Variants in AIG1 observed in about 807,000 individuals in gnomAD.
AIG1 encodes androgen induced 1, also known as androgen-induced gene 1 protein.
In AIG1, 23 loss-of-function variants were observed where a neutral mutation model predicts 31.4. The observed-to-expected ratio is 0.73, with a 90% CI of 0.53 to 1.04. The LOEUF is 1.04. Ranked by LOEUF, AIG1 falls within the 50% of genes least tolerant of loss-of-function variation. The pLI is 0.00. For synonymous variants in AIG1, 100 were observed against 110.5 expected (o/e 0.90, Z 0.60); for missense variants, 274 against 295.0 (o/e 0.93, Z 0.52).
At chr6:143,323,743 A>G (rs62430878) in intron 4 of AIG1, among the ~76,000 whole-genome samples, 6,611 of 152,078 alleles carry the variant, frequency 0.043, 183 homozygotes, top group Middle Eastern at 0.075. Flanking sequence ...CAGCCACGCA[A>G]TCCCCACTGC....
At chr6:143,112,994 C>G (rs1781419403) in intron 1 of AIG1, among the ~76,000 whole-genome samples, 3 of 152,060 alleles carry the variant, frequency 2.0e-5, no homozygotes, top group African/African-American at 7.2e-5. Flanking sequence ...AAATCCTAAG[C>G]CTGACTGAGA....
downstream of AIG1, among the ~76,000 whole-genome samples, chr6:143,341,601 G>A (rs1398835759): frequency 6.6e-6 from 1 of 152,156 alleles, no homozygotes; most frequent in Non-Finnish European, 1.5e-5. Flanking sequence ...TGAGGGCATG[G>A]GAAGAAGGTT....
intron 2 of AIG1, among the ~76,000 whole-genome samples, chr6:143,155,612 C>CT (rs1180448174): frequency 6.6e-6 from 1 of 152,004 alleles, no homozygotes; most frequent in Non-Finnish European, 1.5e-5. Context: ...TGACAAGAAA[C>CT]TGGGGGGAGA....
At chr6:143,206,134 G>A (rs1562488674) in intron 3 of AIG1, among the ~76,000 whole-genome samples, 1 of 152,192 alleles carries the variant, frequency 6.6e-6, no homozygotes, top group Non-Finnish European at 1.5e-5. Flanking sequence ...GGTCAGCGAA[G>A]GCTGACACAA....
In AIG1 at chr6:143,084,148, G is replaced by T. The variant is rs188436041; in HGVS notation, c.141+23082G>T. Among the ~76,000 whole-genome samples, 14 of 152,226 alleles carry T rather than the reference G, an allele frequency of 9.2e-5. No homozygotes were observed. In the East Asian group the frequency reaches 2.7e-3, roughly 29 times the overall value. On this transcript the variant is annotated intron_variant, in intron 1 of 5. Transcript: ENST00000357847. ...ACAGTTAACCTTCTGGCCCTCAATGGTCAAGCATACCCGAGGCTCTGTGAC... is the reference window on the plus strand; with the variant it reads ...ACAGTTAACCTTCTGGCCCTCAATGTTCAAGCATACCCGAGGCTCTGTGAC...
At position 143,151,239 on chromosome 6, in the gene AIG1, G is replaced by A. The variant is rs547531199; in HGVS notation, c.298-13843G>A. 9.2e-5 allele frequency among the ~76,000 whole-genome samples: 14 copies of A among 152,224 alleles called. No individual in the cohort carries two copies. In the East Asian group the frequency reaches 2.5e-3, roughly 27 times the overall value. ...AGCCCCACAGAAAGGTATTAGAAAA[G>A]CCCTCATACAACTACTCATGTTTGG... On this transcript the variant is annotated intron_variant, in intron 2 of 5. Coordinates refer to ENST00000357847, the MANE Select transcript of AIG1 (RefSeq NM_016108.4).
At chr6:143,286,676 C>T (rs1354206869) in intron 4 of AIG1, among the ~76,000 whole-genome samples, 1 of 152,014 alleles carries the variant, frequency 6.6e-6, no homozygotes, top group Non-Finnish European at 1.5e-5. Context: ...TTCCAGAGCC[C>T]CATGCCAAGA....
chr6:143,192,195 GAGAAGC>G (rs1337462593), intron 3 of AIG1, among the ~76,000 whole-genome samples: 2 of 152,254 alleles, frequency 1.3e-5, no homozygotes, highest in Non-Finnish European at 1.5e-5. Flanking sequence ...GCATCTGTCA[GAGAAGC>G]AGCAGCCATT....
chr6:143,102,519 T>C (rs6906306), intron 1 of AIG1, among the ~76,000 whole-genome samples: 17,975 of 147,078 alleles, frequency 0.12, 3,350 homozygotes, highest in African/African-American at 0.4. Context: ...TAATATATAA[T>C]ATAATATGTA....
chr6:143,077,313 T>G (rs538647208), intron 1 of AIG1, among the ~76,000 whole-genome samples: 1 of 152,372 alleles, frequency 6.6e-6, no homozygotes, highest in South Asian at 2.1e-4. Flanking sequence ...TTAGTTCTTA[T>G]GTTGATATTT....
At chr6:143,090,583 A>G (rs1289332607) in intron 1 of AIG1, among the ~76,000 whole-genome samples, 3 of 152,240 alleles carry the variant, frequency 2.0e-5, no homozygotes, top group Admixed American at 1.3e-4. Flanking sequence ...TTGGTTTCAC[A>G]GTACATATAA....
chr6:143,336,450 T>C (rs1451434574), intron 5 of AIG1, among the ~76,000 whole-genome samples: 8 of 152,268 alleles, frequency 5.3e-5, no homozygotes, highest in African/African-American at 1.9e-4. Context: ...TGATGTTCAG[T>C]CCAGTCTCCA....
At chr6:143,108,594 TA>T (rs1483612584) in intron 1 of AIG1, among the ~76,000 whole-genome samples, 7 of 152,334 alleles carry the variant, frequency 4.6e-5, no homozygotes, top group African/African-American at 1.7e-4. Context: ...ATTACACTTT[TA>T]ACTGTATGTG....
chr6:143,093,858 G>C (rs1779521703), intron 1 of AIG1, among the ~76,000 whole-genome samples: 1 of 152,170 alleles, frequency 6.6e-6, no homozygotes, highest in Admixed American at 6.5e-5. Context: ...CACACAACAT[G>C]TATGGATTGC....
chr6:143,106,352 C>A (rs983303468), intron 1 of AIG1, among the ~76,000 whole-genome samples: 1 of 152,154 alleles, frequency 6.6e-6, no homozygotes, highest in East Asian at 1.9e-4. Context: ...GACTTCTGGC[C>A]CCCAAAACTG....
intron 1 of AIG1, among the ~76,000 whole-genome samples, chr6:143,108,275 A>C (rs1780974051): frequency 6.6e-6 from 1 of 152,296 alleles, no homozygotes; most frequent in East Asian, 1.9e-4. Context: ...ACTAAGAGAA[A>C]ATTTTTCTTT....
intron 3 of AIG1, among the ~76,000 whole-genome samples, chr6:143,196,856 C>T (rs1010172793): frequency 1.3e-5 from 2 of 152,284 alleles, no homozygotes; most frequent in East Asian, 3.9e-4. Context: ...AAAAAAAACT[C>T]TTCAGGAGCA....
intron 4 of AIG1, among the ~76,000 whole-genome samples, chr6:143,305,979 A>G (rs1799268776): frequency 6.6e-6 from 1 of 151,620 alleles, no homozygotes; most frequent in Admixed American, 6.6e-5. Flanking sequence ...CCATTATGTA[A>G]TGGCCTTCTT....
intron 4 of AIG1, among the ~76,000 whole-genome samples, chr6:143,319,355 C>T (rs1324147405): frequency 6.6e-6 from 1 of 152,142 alleles, no homozygotes; most frequent in African/African-American, 2.4e-5. Flanking sequence ...GACCATTATT[C>T]TAAGTGAAGT....
Sources: gnomAD v4.1 joint callset for allele counts (sites outside exome capture counted in the v4.1 genomes callset) on GRCh38, gnomAD v4.1.1 for gene constraint, MANE v1.5 for transcripts, NCBI Gene and HGNC (gene_info 2026-07-23, HGNC 2026-07-21) for gene names.